The following TBC1D32 variants were observed in gnomAD, a reference collection of about 807,000 sequenced individuals.
TBC1D32 encodes TBC1 domain family member 32.
In TBC1D32, 151 loss-of-function variants were observed where a neutral mutation model predicts 170.3. That is an observed-to-expected ratio of 0.89 (90% CI 0.78 to 1.01). The LOEUF is 1.01. Among genes scored for constraint, TBC1D32 ranks in the 50% least tolerant of loss-of-function variants. TBC1D32 has a pLI of 0.00. For synonymous variants in TBC1D32, 498 were observed against 488.0 expected, an observed-to-expected ratio of 1.02 and a Z score of -0.27; for missense variants, 1,464 against 1,457.1, an observed-to-expected ratio of 1.00 and a Z score of -0.08.
chr6:121,272,130 G>A (rs1801532537), intron 15 of TBC1D32, among the ~76,000 whole-genome samples: 2 of 152,250 alleles, frequency 1.3e-5, no homozygotes, highest in South Asian at 2.1e-4. Flanking sequence ...AGACTTAAAT[G>A]TTAGACCTAA....
At chr6:121,268,947 C>G (rs1223298316) in intron 15 of TBC1D32, among the ~76,000 whole-genome samples, 1 of 152,106 alleles carries the variant, frequency 6.6e-6, no homozygotes, top group Non-Finnish European at 1.5e-5. Context: ...AAGAGAGTAG[C>G]AGCCAATATT....
chr6:121,301,625 G>C (rs200485863), intron 9 of TBC1D32, among the ~76,000 whole-genome samples: 1 of 151,972 alleles, frequency 6.6e-6, no homozygotes, highest in Non-Finnish European at 1.5e-5. Context: ...ACCATGGCAC[G>C]TGTATACCTA....
intron 5 of TBC1D32, 83 bp downstream of exon 5, chr6:121,307,893 C>A: frequency 7.0e-7 from 1 of 1,424,690 alleles, no homozygotes; most frequent in Admixed American, 2.4e-5. Context: ...GAAAAGAAAA[C>A]TATCGTAACT....
At chr6:121,096,025 C>G (rs553751997) in intron 30 of TBC1D32, 1 of 152,170 alleles carries the variant, frequency 6.6e-6, no homozygotes, top group Admixed American at 6.6e-5. Flanking sequence ...CCTCTTTGTA[C>G]CTCTGGGTAG....
At chr6:121,229,663 G>T (rs543897421) in intron 20 of TBC1D32, among the ~76,000 whole-genome samples, 1 of 152,204 alleles carries the variant, frequency 6.6e-6, no homozygotes, top group Admixed American at 6.5e-5. Flanking sequence ...GACTGCAAAT[G>T]ATGACGTTCT....
chr6:121,274,578 C>T (rs1446502005), intron 15 of TBC1D32, among the ~76,000 whole-genome samples: 1 of 150,834 alleles, frequency 6.6e-6, no homozygotes, highest in Admixed American at 6.6e-5. Context: ...TTACAATGTC[C>T]ATCAATACAT....
intron 3 of TBC1D32, among the ~76,000 whole-genome samples, chr6:121,315,202 G>C (rs1012716549): frequency 6.6e-6 from 1 of 152,108 alleles, no homozygotes; most frequent in Non-Finnish European, 1.5e-5. Context: ...ATTCAAGTTT[G>C]GGTAAATTAC....
chr6:121,324,854 T>A lies in TBC1D32; in HGVS notation c.156-3060A>T, dbSNP rs560926707. 1.1e-4 allele frequency among the ~76,000 whole-genome samples: 16 copies of A among 152,314 alleles called. No homozygotes were observed. The South Asian group carries it at 3.3e-3, about 32-fold the overall frequency. On this transcript the variant is annotated intron_variant, in intron 1 of 31. Transcript: ENST00000398212. ...CCTCAATTTTGTAATATCTGACAACTGCTTCTACACACAGTTGGCTCTGAA... is the reference window on the plus strand; with the variant it reads ...CCTCAATTTTGTAATATCTGACAACAGCTTCTACACACAGTTGGCTCTGAA...
At chr6:121,177,634 C>T (rs1266582285) in intron 22 of TBC1D32, among the ~76,000 whole-genome samples, 1 of 151,992 alleles carries the variant, frequency 6.6e-6, no homozygotes, top group East Asian at 1.9e-4. Context: ...GATAGTGACA[C>T]CTTTGCTTTC....
At chr6:121,254,410 A>C (rs1415553339) in intron 17 of TBC1D32, among the ~76,000 whole-genome samples, 1 of 152,138 alleles carries the variant, frequency 6.6e-6, no homozygotes, top group Non-Finnish European at 1.5e-5. Context: ...ATCACTACTG[A>C]AATTAAAAAT....
intron 1 of TBC1D32, among the ~76,000 whole-genome samples, chr6:121,328,928 T>C (rs1277246549): frequency 1.3e-5 from 2 of 152,206 alleles, no homozygotes. Flanking sequence ...TATTACCAAA[T>C]GAATGCAAAA....
intron 15 of TBC1D32, among the ~76,000 whole-genome samples, chr6:121,269,700 C>CA (rs1276767405): frequency 6.6e-6 from 1 of 152,108 alleles, no homozygotes; most frequent in Non-Finnish European, 1.5e-5. Flanking sequence ...TTAGACAGAT[C>CA]AAAGAGATAG....
At chr6:121,252,284 TG>T (rs1390694780) in intron 17 of TBC1D32, among the ~76,000 whole-genome samples, 1 of 152,220 alleles carries the variant, frequency 6.6e-6, no homozygotes, top group Non-Finnish European at 1.5e-5. Flanking sequence ...ATATGTTTAT[TG>T]CAGCATTGTT....
rs1702745022 is a variant in TBC1D32 at position 121,187,028 on chromosome 6, C to T, written c.2570+18047G>A. 3.3e-5 allele frequency among the ~76,000 whole-genome samples: 5 copies of T among 151,600 alleles called. No homozygotes were observed. In the South Asian group the frequency reaches 6.3e-4, roughly 19 times the overall value. On this transcript the variant is annotated intron_variant, in intron 22 of 31. Transcript: ENST00000398212. ...GTAATAACAATCTTGGGATAAATTACCACTAGATATATAGAAAAACTAAGC... is the reference window on the plus strand; with the variant it reads ...GTAATAACAATCTTGGGATAAATTATCACTAGATATATAGAAAAACTAAGC...
At chr6:121,190,078 ACACACACACACACACACAC>A (rs1789757876) in intron 22 of TBC1D32, among the ~76,000 whole-genome samples, 14 of 28,172 alleles carry the variant, frequency 5.0e-4, no homozygotes, top group Admixed American at 1.3e-3. Flanking sequence ...ATACAGACAC[ACACACACACACACACACAC>A]ACACACACAC....
At chr6:121,160,915 A>C (rs1258792859) in intron 23 of TBC1D32, 33 bp downstream of exon 23, 1 of 1,561,222 alleles carries the variant, frequency 6.4e-7, no homozygotes, top group Non-Finnish European at 8.8e-7. Context: ...ATGTCAGAAA[A>C]ACACATCCCA....
chr6:121,195,528 T>C (rs1790611894), intron 22 of TBC1D32, among the ~76,000 whole-genome samples: 1 of 152,180 alleles, frequency 6.6e-6, no homozygotes, highest in South Asian at 2.1e-4. Context: ...AAGTGGGTCA[T>C]ACACAGCAGC....
intron 15 of TBC1D32, among the ~76,000 whole-genome samples, chr6:121,269,056 A>G (rs1800962743): frequency 6.6e-6 from 1 of 152,194 alleles, no homozygotes; most frequent in Admixed American, 6.5e-5. Flanking sequence ...GCAGACAAAC[A>G]AATGCTGAGA....
chr6:121,147,986 G>C (rs1007134229), intron 24 of TBC1D32, among the ~76,000 whole-genome samples: 1 of 128,208 alleles, frequency 7.8e-6, no homozygotes, highest in Non-Finnish European at 1.7e-5. Context: ...ATATTTGTTT[G>C]TTGGTTGGTT....
Sources: allele counts gnomAD v4.1 joint callset (sites outside exome capture counted in the v4.1 genomes callset), GRCh38; gene constraint gnomAD v4.1.1; transcripts MANE v1.5; gene names NCBI Gene and HGNC (gene_info 2026-07-23, HGNC 2026-07-21).